The following COX7A2L variants were observed in gnomAD, a reference collection of about 807,000 sequenced individuals.
COX7A2L encodes the protein cytochrome c oxidase subunit 7A2 like, also known as cytochrome c oxidase subunit 7A2-like, mitochondrial.
Under a neutral mutation model 14.2 loss-of-function variants are expected in COX7A2L, and 18 were observed. The observed-to-expected ratio is 1.27, with a 90% CI of 0.88 to 1.88. The LOEUF (loss-of-function observed/expected upper bound fraction) is 1.88, where lower values mean the gene tolerates loss of function less well. Among genes scored for constraint, COX7A2L ranks in the 40% most tolerant of loss-of-function variants. The pLI is 0.00. For missense variants in COX7A2L, 179 were observed against 138.8 expected (o/e 1.29, Z -1.46); for synonymous variants, 65 against 57.4 (o/e 1.13, Z -0.60).
At chr2:42,358,596 A>T (rs903845926) in intron 1 of COX7A2L, among the ~76,000 whole-genome samples, 1 of 152,210 alleles carries the variant, frequency 6.6e-6, no homozygotes, top group African/African-American at 2.4e-5. Flanking sequence ...TAAAGCCTAC[A>T]CAGTATCACT....
At chr2:42,356,518 A>G (rs780957419) in intron 1 of COX7A2L, among the ~76,000 whole-genome samples, 1 of 152,272 alleles carries the variant, frequency 6.6e-6, no homozygotes, top group Non-Finnish European at 1.5e-5. Context: ...AGAAGGCTAT[A>G]GCTTCACAGT....
chr2:42,348,438 A>G (rs114603310), downstream of COX7A2L, among the ~76,000 whole-genome samples: 985 of 152,326 alleles, frequency 6.5e-3, 9 homozygotes, highest in African/African-American at 0.023. Context: ...GCCACCTGAC[A>G]TAACGAGGAC....
At chr2:42,361,277 G>T (rs765293030), upstream of COX7A2L, 145 of 941,612 alleles carry the variant, frequency 1.5e-4, no homozygotes, top group Middle Eastern at 6.8e-3. Flanking sequence ...CTGGGACTAG[G>T]GCTGCCCGAA....
intron 2 of COX7A2L, among the ~76,000 whole-genome samples, chr2:42,335,876 A>G (rs373910734): frequency 1.3e-5 from 2 of 152,060 alleles, no homozygotes; most frequent in Admixed American, 6.6e-5. Context: ...TGAAGGGGGG[A>G]TTATGCACAA....
At chr2:42,356,020 C>A (rs1164553502) in intron 1 of COX7A2L, among the ~76,000 whole-genome samples, 1 of 152,086 alleles carries the variant, frequency 6.6e-6, no homozygotes, top group East Asian at 1.9e-4. Flanking sequence ...GCCACCACAC[C>A]CGGCCCATTC....
chr2:42,337,261 A>C (rs997097036), intron 2 of COX7A2L, among the ~76,000 whole-genome samples: 1 of 152,230 alleles, frequency 6.6e-6, no homozygotes, highest in Non-Finnish European at 1.5e-5. Context: ...GGTGATGTGC[A>C]ACCCACACAG....
At chr2:42,336,709 T>C (rs542298511) in intron 2 of COX7A2L, among the ~76,000 whole-genome samples, 9 of 152,316 alleles carry the variant, frequency 5.9e-5, no homozygotes, top group African/African-American at 1.9e-4. Flanking sequence ...TCTGTTTCAA[T>C]TGACAAATGC....
rs917122236 is a variant in COX7A2L at position 42,338,307 on chromosome 2, T to A, written c.193-4438A>T. ...AAGCCATCCAGCCTCTGCCTTTCCT[T>A]GCGTGTCTGGGCTGAATCAGCTTCC... On this transcript the variant is annotated intron_variant, in intron 2 of 2. Coordinates refer to the COX7A2L transcript ENST00000468711. The surrounding 1 kb of genome is among the most constrained non-coding windows in gnomAD (Gnocchi z 4.4). Among the ~76,000 whole-genome samples, 2 of 152,168 alleles carry A rather than the reference T, an allele frequency of 1.3e-5. No homozygotes were observed. Among genetic ancestry groups the A allele is most frequent in the African/African-American group, 4.8e-5 (2 of 41,442 alleles).
At chr2:42,353,491 C>G in intron 1 of COX7A2L, 148 bp from the exon 2 acceptor site, 1 of 1,038,724 alleles carries the variant, frequency 9.6e-7, no homozygotes, top group Non-Finnish European at 1.4e-6. Flanking sequence ...CTTGCCATTA[C>G]GATTGCAGGG....
downstream of COX7A2L, among the ~76,000 whole-genome samples, chr2:42,346,019 G>T (rs190258197): frequency 2.0e-5 from 3 of 152,308 alleles, no homozygotes; most frequent in East Asian, 5.8e-4. Flanking sequence ...TGAGAATAAA[G>T]CGAAAGATTC....
downstream of COX7A2L, among the ~76,000 whole-genome samples, chr2:42,349,112 T>G (rs898277973): frequency 3.3e-5 from 5 of 152,116 alleles, no homozygotes; most frequent in Non-Finnish European, 7.4e-5. Context: ...CACTCCTAGG[T>G]AGATACCCAA....
At position 42,339,636 on chromosome 2, in the gene COX7A2L, T is replaced by C. The variant is rs938119866; in HGVS notation, c.193-5767A>G. Among the ~76,000 whole-genome samples, 8 of 152,160 alleles carry C rather than the reference T, an allele frequency of 5.3e-5. No homozygotes were observed. The highest frequency in any genetic ancestry group is 1.9e-4 in the African/African-American group (8 of 41,430). Reference sequence around the variant, plus strand: ...TCCTCCTTTCTTATTTTTAACACTTTTTAAATTTATTACTTCCAATAAAGT... The same window carrying C: ...TCCTCCTTTCTTATTTTTAACACTTCTTAAATTTATTACTTCCAATAAAGT... On this transcript the variant is annotated intron_variant, in intron 2 of 2. Coordinates refer to the COX7A2L transcript ENST00000468711. This position sits in a 1 kb window ranked among gnomAD's most constrained non-coding sequence, Gnocchi z 5.4.
At chr2:42,346,731 G>A (rs1023390161), downstream of COX7A2L, among the ~76,000 whole-genome samples, 11 of 151,740 alleles carry the variant, frequency 7.2e-5, no homozygotes, top group African/African-American at 2.7e-4. Context: ...CTGCACTCCA[G>A]TCTGGGCGAC....
At chr2:42,354,335 T>C (rs1037513494) in intron 1 of COX7A2L, among the ~76,000 whole-genome samples, 3 of 152,130 alleles carry the variant, frequency 2.0e-5, no homozygotes, top group East Asian at 1.9e-4. Context: ...GTGACAAATA[T>C]ATAGAGTAAT....
chr2:42,367,808 G>A (rs1671194979), intron 1 of COX7A2L, among the ~76,000 whole-genome samples: 1 of 152,216 alleles, frequency 6.6e-6, no homozygotes, highest in Non-Finnish European at 1.5e-5. Context: ...ACAGCAGGGA[G>A]AGCCCAATGC....
chr2:42,361,011 G>T, intron 1 of COX7A2L, 79 bp downstream of exon 1: 1 of 1,500,836 alleles, frequency 6.7e-7, no homozygotes, highest in Non-Finnish European at 9.2e-7. Context: ...GCCTCCCCTG[G>T]CTCCAACGCC....
At chr2:42,356,926 TA>T (rs1371939570) in intron 1 of COX7A2L, among the ~76,000 whole-genome samples, 1 of 152,116 alleles carries the variant, frequency 6.6e-6, no homozygotes, top group Non-Finnish European at 1.5e-5. Flanking sequence ...TGTCTCAAAA[TA>T]AAATTAAAAA....
downstream of COX7A2L, among the ~76,000 whole-genome samples, chr2:42,348,490 C>T (rs953970407): frequency 6.6e-6 from 1 of 152,164 alleles, no homozygotes; most frequent in African/African-American, 2.4e-5. Context: ...AATGTTTAAC[C>T]TGAAACCACC....
At chr2:42,353,382 G>C in intron 1 of COX7A2L, 39 bp from the exon 2 acceptor site, 2 of 1,609,786 alleles carry the variant, frequency 1.2e-6, no homozygotes, top group Non-Finnish European at 8.5e-7. Flanking sequence ...TTGAAAGTAT[G>C]TCTGAGGAGG....
Sources: gnomAD v4.1 joint callset for allele counts (sites outside exome capture counted in the v4.1 genomes callset) on GRCh38, gnomAD v4.1.1 for gene constraint, Gnocchi (gnomAD v3.1) non-coding constraint, MANE v1.5 for transcripts, NCBI Gene and HGNC (gene_info 2026-07-23, HGNC 2026-07-21) for gene names.